BLACAT1: variants seen among roughly 807,000 people sequenced by gnomAD.
The protein encoded by BLACAT1 is BLACAT1 overlapping LEMD1 locus, also known as bladder cancer associated transcript 1.
At chr1:205,455,588 T>C (rs1197207034) in intron 1 of BLACAT1, among the ~76,000 whole-genome samples, 3 of 152,028 alleles carry the variant, frequency 2.0e-5, no homozygotes, top group Non-Finnish European at 4.4e-5. Flanking sequence ...GACAGGAGGA[T>C]CGGCTACCTC....
chr1:205,442,234 T>C (rs929256105), intron 1 of BLACAT1, among the ~76,000 whole-genome samples: 2 of 152,126 alleles, frequency 1.3e-5, no homozygotes, highest in Non-Finnish European at 2.9e-5. Flanking sequence ...GCCCAAGTGC[T>C]GCGGGGAAGG....
chr1:205,453,056 G>A (rs1375922343), intron 1 of BLACAT1, among the ~76,000 whole-genome samples: 1 of 152,116 alleles, frequency 6.6e-6, no homozygotes, highest in Non-Finnish European at 1.5e-5. Flanking sequence ...GGGCAGCAAA[G>A]CCTGGAAATC....
chr1:205,437,647 G>A (rs180878910), downstream of BLACAT1: 86 of 152,298 alleles, frequency 5.6e-4, no homozygotes, highest in African/African-American at 2.0e-3. Flanking sequence ...GGAAACCTGC[G>A]ACCCTCTGGT....
At chr1:205,455,735 C>G (rs973502543) in intron 1 of BLACAT1, among the ~76,000 whole-genome samples, 182 bp downstream of exon 1, 1 of 152,152 alleles carries the variant, frequency 6.6e-6, no homozygotes, top group Non-Finnish European at 1.5e-5. Flanking sequence ...AGCCCGCCGC[C>G]GGTCAGCTTT....
At chr1:205,453,400 T>A (rs1373763145) in intron 1 of BLACAT1, among the ~76,000 whole-genome samples, 2 of 152,122 alleles carry the variant, frequency 1.3e-5, no homozygotes, top group Non-Finnish European at 2.9e-5. Context: ...ACAGCTCAGG[T>A]TCCCTCTCAT....
downstream of BLACAT1, among the ~76,000 whole-genome samples, chr1:205,438,325 C>T (rs908288996): frequency 5.9e-5 from 9 of 152,238 alleles, no homozygotes; most frequent in Non-Finnish European, 1.2e-4. Flanking sequence ...GCTCAGGGCC[C>T]CCACCTCAAG....
chr1:205,451,431 T>C (rs1296606912), intron 1 of BLACAT1, among the ~76,000 whole-genome samples: 1 of 152,102 alleles, frequency 6.6e-6, no homozygotes, highest in East Asian at 1.9e-4. Context: ...CAGGCTCCCA[T>C]TGTCCCTCAT....
In BLACAT1 at chr1:205,441,226, T is replaced by C. The variant is rs1421311285; in HGVS notation, c.-36-164A>G. 2.0e-5 allele frequency among the ~76,000 whole-genome samples: 3 copies of C among 152,120 alleles called. No individual in the cohort carries two copies. Among genetic ancestry groups the C allele is most frequent in the African/African-American group, 7.2e-5 (3 of 41,422 alleles). On this transcript the variant is annotated intron_variant, in intron 1 of 1. Coordinates refer to ENST00000629624, the Ensembl canonical transcript of BLACAT1. This position sits in a 1 kb window ranked among gnomAD's most constrained non-coding sequence, Gnocchi z 4.3. ...CACCGGCTGGGGGAGGAGTCAAGCC[T>C]CTAAACAACAGCTCTTTGAAACCTC...
downstream of BLACAT1, chr1:205,436,626 T>C (rs1666209693): frequency 6.6e-6 from 1 of 152,172 alleles, no homozygotes; most frequent in Non-Finnish European, 1.5e-5. Context: ...CAGCTCTCTC[T>C]TGCTCTTGCT....
chr1:205,447,599 G>A (rs992104103), intron 1 of BLACAT1, among the ~76,000 whole-genome samples: 3 of 152,008 alleles, frequency 2.0e-5, no homozygotes, highest in Non-Finnish European at 2.9e-5. Context: ...GAATGTGGGA[G>A]TGGCGACAGG....
At chr1:205,454,964 G>A (rs577152143) in intron 1 of BLACAT1, among the ~76,000 whole-genome samples, 1 of 152,298 alleles carries the variant, frequency 6.6e-6, no homozygotes, top group East Asian at 1.9e-4. Context: ...ACTTCCAAAC[G>A]GAGGCTGTGG....
intron 1 of BLACAT1, among the ~76,000 whole-genome samples, chr1:205,445,933 A>G (rs1666381433): frequency 1.3e-5 from 2 of 152,222 alleles, no homozygotes; most frequent in Admixed American, 6.5e-5. Context: ...ATTTCCACTA[A>G]AAATGGAACA....
chr1:205,439,231 T>C (rs1037346006), downstream of BLACAT1, among the ~76,000 whole-genome samples: 1 of 152,236 alleles, frequency 6.6e-6, no homozygotes, highest in Non-Finnish European at 1.5e-5. Flanking sequence ...GTGACCCCAC[T>C]GGCCTTTATT....
intron 1 of BLACAT1, among the ~76,000 whole-genome samples, chr1:205,445,665 AG>A (rs1296504325): frequency 6.6e-6 from 1 of 152,196 alleles, no homozygotes; most frequent in African/African-American, 2.4e-5. Context: ...GAGAGGTCAG[AG>A]CAGCAATAGT....
chr1:205,454,086 G>A (rs1161749623), intron 1 of BLACAT1, among the ~76,000 whole-genome samples: 1 of 152,196 alleles, frequency 6.6e-6, no homozygotes, highest in Non-Finnish European at 1.5e-5. Flanking sequence ...CAGAGATGAA[G>A]GGTGGGGAGA....
rs566165309 is a variant in BLACAT1, at chr1:205,441,479, C to T, written c.-36-417G>A. On this transcript the variant is annotated intron_variant, in intron 1 of 1. Coordinates refer to ENST00000629624, the Ensembl canonical transcript of BLACAT1. The surrounding 1 kb of genome is among the most constrained non-coding windows in gnomAD (Gnocchi z 4.3). ...CAGGTTCTAGCTGGGGGCTTCCACT[C>T]GCTTCTGCAGGTTGCACACACGACA... 1.3e-5 allele frequency among the ~76,000 whole-genome samples: 2 copies of T among 152,198 alleles called. No homozygotes were observed. Among genetic ancestry groups the T allele is most frequent in the African/African-American group, 2.4e-5 (1 of 41,446 alleles).
downstream of BLACAT1, chr1:205,435,583 AT>A (rs1666192603): frequency 6.6e-6 from 1 of 152,212 alleles, no homozygotes; most frequent in South Asian, 2.1e-4. Context: ...AGTGAATCTG[AT>A]TGCTAATTAA....
chr1:205,440,960 CCTT>C (rs1558743569), exon 2 of BLACAT1: 1 of 152,454 alleles, frequency 6.6e-6, no homozygotes. Flanking sequence ...TGAACTTCCT[CCTT>C]CTTCCTCTTC....
Position 205,448,269 on chromosome 1 carries a change from T to C in BLACAT1, c.-36-7207A>G. 2.0e-6 allele frequency: 1 copy of C among 512,520 alleles called. No homozygotes were observed. The highest frequency in any genetic ancestry group is 4.1e-6 in the Non-Finnish European group (1 of 243,392). The allele number at this position is 512,520 out of a possible 1,614,324, so 31.7% of individuals were successfully genotyped here. A position where few individuals can be genotyped will look rare whatever the true frequency, so the allele number is the denominator to read the frequency against. The stretch of plus-strand genomic sequence containing the variant: ...GCCCCTTGGTGGCTGGCTCCGAACC[T>C]GGTCCCATGGGAGGTGCAGCTGCGC... On this transcript the variant is annotated intron_variant, in intron 1 of 1. Coordinates refer to ENST00000629624, the Ensembl canonical transcript of BLACAT1. This position sits in a 1 kb window ranked among gnomAD's most constrained non-coding sequence, Gnocchi z 4.7.
Sources: allele counts gnomAD v4.1 joint callset (sites outside exome capture counted in the v4.1 genomes callset), GRCh38; gene constraint gnomAD v4.1.1; non-coding constraint Gnocchi (gnomAD v3.1); transcripts MANE v1.5; gene names NCBI Gene and HGNC (gene_info 2026-07-23, HGNC 2026-07-21).